MYO5C: variants seen among roughly 807,000 people sequenced by gnomAD.
MYO5C encodes the protein unconventional myosin-Vc.
Under a neutral mutation model 235.7 loss-of-function variants are expected in MYO5C, and 194 were observed. That is an observed-to-expected ratio of 0.82 (90% CI 0.73 to 0.93). MYO5C has a LOEUF of 0.93. Among genes scored for constraint, MYO5C ranks in the 40% least tolerant of loss-of-function variants. The pLI, the probability that MYO5C is intolerant of heterozygous loss-of-function variation, is 0.00. For missense variants in MYO5C, 2,038 were observed against 2,127.2 expected (o/e 0.96, Z 0.82); for synonymous variants, 707 against 754.8 (o/e 0.94, Z 1.04).
At chr15:52,272,527 T>G in intron 6 of MYO5C, 53 bp downstream of exon 6, 1 of 1,572,606 alleles carries the variant, frequency 6.4e-7, no homozygotes, top group Non-Finnish European at 8.7e-7. Flanking sequence ...ATAATAAGTA[T>G]GTAAATGTAA....
At position 52,264,215 on chromosome 15, in the gene MYO5C, A is replaced by T; in HGVS notation, c.1022T>A (p.Val341Glu). 1.2e-6 allele frequency: 2 copies of T among 1,612,434 alleles called. No individual in the cohort carries two copies. Among genetic ancestry groups the T allele is most frequent in the Non-Finnish European group, 1.7e-6 (2 of 1,178,458 alleles). Reference sequence around the variant, plus strand: ...ACTAACTGAGGACCTCTCGTTGCCCACCGCGGTGATCTGCACATTGCCCAG... The same window carrying T: ...ACTAACTGAGGACCTCTCGTTGCCCTCCGCGGTGATCTGCACATTGCCCAG... Reference protein sequence around the residue: ...LHLGNVQITAVGNERSSVSED... With the variant: ...LHLGNVQITAEGNERSSVSED... The change falls in exon 9 of 41, where the codon GTG becomes GAG. Residue 341 changes from valine (V) to glutamate (E), a missense_variant. By Grantham distance (121) the Val-to-Glu change is moderately radical (BLOSUM62 -2). Coordinates refer to ENST00000261839, the MANE Select transcript of MYO5C (RefSeq NM_018728.4).
intron 5 of MYO5C, 102 bp from the exon 6 acceptor site, chr15:52,272,825 A>T (rs1340375711): frequency 8.4e-7 from 1 of 1,196,750 alleles, no homozygotes. Context: ...ACCCTAGGGG[A>T]AGGTCTGATT....
chr15:52,264,132 G>A (rs1243118063), intron 9 of MYO5C, 58 bp downstream of exon 9: 18 of 1,340,206 alleles, frequency 1.3e-5, no homozygotes, highest in Admixed American at 1.9e-5. Context: ...GGTCAGCTGC[G>A]AGCCAGTTCC....
Position 52,256,639 on chromosome 15 carries a change from C to T in MYO5C, c.1395G>A (p.Met465Ile). Reference sequence around the variant, plus strand: ...TCAAGAAGGCAGAAAGGTCACCTACCATGTTAAACTGTTGTTGCAGTTTTT... The same window carrying T: ...TCAAGAAGGCAGAAAGGTCACCTACTATGTTAAACTGTTGTTGCAGTTTTT... ...ANEKLQQQFN[M>I]HVFKLEQEEY... is the part of the protein sequence containing the mutation. Residue 465 changes from methionine to isoleucine, a missense_variant and splice_region_variant, in exon 11 of 41, where the codon ATG becomes ATA. Met to Ile is a conservative substitution (Grantham distance 10, BLOSUM62 1). Transcript: ENST00000261839. 6.3e-7 allele frequency: 1 copy of T among 1,577,510 alleles called. No homozygotes were observed. The highest frequency in any genetic ancestry group is 8.6e-7 in the Non-Finnish European group (1 of 1,158,022).
chr15:52,283,822 C>T (rs368144440), intron 1 of MYO5C, among the ~76,000 whole-genome samples: 1 of 152,080 alleles, frequency 6.6e-6, no homozygotes, highest in Admixed American at 6.5e-5. Flanking sequence ...ATTACAGGCA[C>T]CCGCCACCAT....
intron 34 of MYO5C, among the ~76,000 whole-genome samples, chr15:52,212,768 A>G (rs35277595): frequency 0.1 from 15,426 of 152,248 alleles, 1,515 homozygotes; most frequent in East Asian, 0.48. Context: ...AGTCAAATGG[A>G]GCACAGAGCC....
chr15:52,241,924 G>T, intron 20 of MYO5C, 124 bp downstream of exon 20: 1 of 1,100,338 alleles, frequency 9.1e-7, no homozygotes, highest in Non-Finnish European at 1.3e-6. Context: ...TCTCCTTTCT[G>T]GCTTGGCTGA....
intron 10 of MYO5C, among the ~76,000 whole-genome samples, chr15:52,258,023 C>A (rs2036618471): frequency 6.6e-6 from 1 of 152,194 alleles, no homozygotes; most frequent in East Asian, 1.9e-4. Context: ...GGAAGCAAGG[C>A]CAGGGCTGGG....
Position 52,295,708 on chromosome 15 carries a change from A to G in MYO5C, c.-72T>C. ...CTCGGGGGCTGGGCCTGCGCCGCAG[A>G]GGCCGGGCGCAGGAGAGACCGCCGC... On this transcript the variant is annotated 5_prime_UTR_variant, in exon 1 of 41. Transcript: ENST00000261839. 1.8e-6 allele frequency: 2 copies of G among 1,141,306 alleles called. No homozygotes were observed. The highest frequency in any genetic ancestry group is 2.3e-6 in the Non-Finnish European group (2 of 864,996). The allele number at this position is 1,141,306 out of a possible 1,614,324, so 70.7% of individuals were successfully genotyped here.
chr15:52,246,932 T>G lies in MYO5C; in HGVS notation c.1964A>C (p.Glu655Ala). Residue 655 changes from glutamate to alanine, a missense_variant, in exon 16 of 41, where the codon GAG becomes GCG. Coordinates refer to ENST00000261839, the MANE Select transcript of MYO5C (RefSeq NM_018728.4). ...HYVRCIKPND[E>A]KLPFEFDSKR... ...GAACACTTACTCAAAGGGTAACTTC[T>G]CATCATTTGGCTTGATGCATCGAAC... 6.2e-7 allele frequency: 1 copy of G among 1,614,022 alleles called. No homozygotes were observed. Among genetic ancestry groups the G allele is most frequent in the Non-Finnish European group, 8.5e-7 (1 of 1,179,942 alleles).
chr15:52,291,393 TTC>T (rs1301609858), intron 1 of MYO5C, among the ~76,000 whole-genome samples: 2 of 152,194 alleles, frequency 1.3e-5, no homozygotes, highest in Non-Finnish European at 2.9e-5. Flanking sequence ...GCTTTCTTCC[TTC>T]TCTGTCAGTA....
rs779334434 is a variant in MYO5C, at chr15:52,245,387, C to A, written c.2145G>T (p.Glu715Asp). 2 of 1,614,122 alleles carry A rather than the reference C, an allele frequency of 1.2e-6. No individual in the cohort carries two copies. Among genetic ancestry groups the A allele is most frequent in the South Asian group, 2.2e-5 (2 of 91,070 alleles). The change falls in exon 18 of 41, where the codon GAG becomes GAT. Residue 715 changes from glutamate to aspartate, a missense_variant. By Grantham distance (45) the Glu-to-Asp change is conservative. Transcript: ENST00000261839. Reference protein sequence around the residue: ...KQELSFSDKKEVCKVVLHRLI... With the variant: ...KQELSFSDKKDVCKVVLHRLI... ...GTCTGTGTAAAACCACCTTGCACAC[C>A]TCCTTTTTATCGCTGAAGGAAAGCT...
Position 52,205,039 on chromosome 15 carries a change from G to A in MYO5C, c.4646C>T (p.Thr1549Ile), listed in dbSNP as rs1054237198. The A allele has an allele frequency of 1.2e-6, 2 of 1,614,230 alleles. No individual in the cohort carries two copies. The change falls in exon 38 of 41, where the codon ACC (threonine) becomes ATC (isoleucine). Residue 1549 changes from threonine (T) to isoleucine (I), a missense_variant. Coordinates refer to ENST00000261839, the MANE Select transcript of MYO5C (RefSeq NM_018728.4). ...GTAGCTCAGCTGTTGCAGGACGGAG[G>A]TCATGGTGTAGCCGTCCGTGTCGTC... ...SIDDTDGYTMTSVLQQLSYFY... is the reference protein window; with the variant it reads ...SIDDTDGYTMISVLQQLSYFY...
chr15:52,217,120 T>G (rs2035572755), intron 32 of MYO5C, among the ~76,000 whole-genome samples: 2 of 152,192 alleles, frequency 1.3e-5, no homozygotes, highest in South Asian at 4.1e-4. Flanking sequence ...CTAATACAGA[T>G]CAGGTCTCAT....
intron 6 of MYO5C, 73 bp from the exon 7 acceptor site, chr15:52,271,917 G>C: frequency 2.2e-6 from 2 of 907,338 alleles, no homozygotes; most frequent in Non-Finnish European, 3.5e-6. Context: ...TTTAACTAGA[G>C]GGTCCTAGAT....
At chr15:52,286,322 G>A (rs2140868806) in intron 1 of MYO5C, among the ~76,000 whole-genome samples, 1 of 149,192 alleles carries the variant, frequency 6.7e-6, no homozygotes, top group African/African-American at 2.5e-5. Flanking sequence ...AGGTGGGGGG[G>A]GTCAGCCCCC....
At chr15:52,269,682 C>A (rs556819663) in intron 8 of MYO5C, 71 bp downstream of exon 8, 153 of 1,055,552 alleles carry the variant, frequency 1.4e-4, no homozygotes, top group Non-Finnish European at 2.1e-4. Flanking sequence ...TGAGCCACCA[C>A]GCCTGGCCTT....
At chr15:52,268,040 C>T (rs1333341645) in intron 8 of MYO5C, among the ~76,000 whole-genome samples, 1 of 152,174 alleles carries the variant, frequency 6.6e-6, no homozygotes, top group Non-Finnish European at 1.5e-5. Flanking sequence ...GTTTAAACTG[C>T]CTTTCTCCTC....
At chr15:52,231,261 G>A (rs574342361) in intron 24 of MYO5C, among the ~76,000 whole-genome samples, 17 of 152,292 alleles carry the variant, frequency 1.1e-4, no homozygotes, top group African/African-American at 3.6e-4. Context: ...GCTGACCAGG[G>A]ACTAAACCAA....
Sources: allele counts gnomAD v4.1 joint callset (sites outside exome capture counted in the v4.1 genomes callset), GRCh38; gene constraint gnomAD v4.1.1; transcripts MANE v1.5; gene names NCBI Gene and HGNC (gene_info 2026-07-23, HGNC 2026-07-21).